CTNND2: variants seen among roughly 807,000 people sequenced by gnomAD.
CTNND2 encodes catenin delta-2.
CTNND2 carries 22 observed loss-of-function variants against 144.4 expected under a neutral mutation model. That is an observed-to-expected ratio of 0.15 (90% CI 0.11 to 0.22). The LOEUF is 0.22. Among genes scored for constraint, CTNND2 ranks in the 10% least tolerant of loss-of-function variants. CTNND2 has a pLI of 1.00. For missense variants in CTNND2, 1,353 were observed against 1,618.8 expected, an observed-to-expected ratio of 0.84 and a Z score of 2.82; for synonymous variants, 751 against 695.6, an observed-to-expected ratio of 1.08 and a Z score of -1.25.
In CTNND2 at chr5:11,219,152, C is replaced by T. The variant is rs957411522; in HGVS notation, c.1761+17539G>A. On this transcript the variant is annotated intron_variant, in intron 10 of 21. Transcript: ENST00000304623. The stretch of plus-strand genomic sequence containing the variant: ...CATAAAAGTAGCCTCAGCATGTGGT[C>T]CCAGATCTCTCGCTAGAAGTGGTGG... Among the ~76,000 whole-genome samples, 17 of 152,280 alleles carry T rather than the reference C, an allele frequency of 1.1e-4. No individual in the cohort carries two copies. The South Asian group carries it at 1.2e-3, about 11-fold the overall frequency.
intron 1 of CTNND2, among the ~76,000 whole-genome samples, chr5:11,851,093 C>T (rs367785642): frequency 3.3e-5 from 5 of 152,256 alleles, no homozygotes; most frequent in Admixed American, 2.0e-4. Context: ...ACCCTGTTTG[C>T]GTTCCCGGCC....
intron 1 of CTNND2, among the ~76,000 whole-genome samples, chr5:11,857,558 A>G: frequency 6.6e-6 from 1 of 152,176 alleles, no homozygotes; most frequent in East Asian, 1.9e-4. Flanking sequence ...AAATCTTGTC[A>G]TTTGGAGCCA....
At chr5:11,832,133 A>C (rs946911557) in intron 1 of CTNND2, among the ~76,000 whole-genome samples, 1 of 151,856 alleles carries the variant, frequency 6.6e-6, no homozygotes, top group African/African-American at 2.4e-5. Flanking sequence ...AAATACAAAA[A>C]ATTAGCCGGG....
chr5:11,605,305 G>A (rs1290520803), intron 2 of CTNND2, among the ~76,000 whole-genome samples: 1 of 152,170 alleles, frequency 6.6e-6, no homozygotes, highest in Non-Finnish European at 1.5e-5. Context: ...ATGTCAATGT[G>A]CTGAACATCT....
At chr5:11,098,471 G>T (rs1012757318) in intron 15 of CTNND2, 104 bp downstream of exon 15, 26 of 1,032,952 alleles carry the variant, frequency 2.5e-5, no homozygotes. Context: ...TAACATCCTA[G>T]AAATCTTTAT....
intron 2 of CTNND2, among the ~76,000 whole-genome samples, chr5:11,643,781 CTAATG>C (rs1487398994): frequency 8.6e-5 from 13 of 151,946 alleles, no homozygotes; most frequent in Non-Finnish European, 1.5e-4. Flanking sequence ...AAAAAATGCA[CTAATG>C]TAATTAAAAA....
chr5:11,436,542 T>C (rs573005206), intron 3 of CTNND2, among the ~76,000 whole-genome samples: 13 of 152,356 alleles, frequency 8.5e-5, no homozygotes, highest in East Asian at 3.9e-4. Context: ...TTTTTCTTTA[T>C]CGAGAATTCC....
At chr5:11,892,834 G>A (rs1365593423) in intron 1 of CTNND2, among the ~76,000 whole-genome samples, 4 of 152,200 alleles carry the variant, frequency 2.6e-5, no homozygotes, top group African/African-American at 7.2e-5. Flanking sequence ...CAGTGAACAC[G>A]ACGAAATCTA....
At chr5:11,430,882 CTCT>C (rs1763234337) in intron 3 of CTNND2, among the ~76,000 whole-genome samples, 1 of 152,148 alleles carries the variant, frequency 6.6e-6, no homozygotes, top group Non-Finnish European at 1.5e-5. Context: ...TACCTTATAT[CTCT>C]TTTTTGTTTT....
At position 11,263,189 on chromosome 5, in the gene CTNND2, C is replaced by G. The variant is rs942204628; in HGVS notation, c.1629-26366G>C. ...TTTTCTTTTTCCATTGACCCAGCAT[C>G]GATATCTCAACCTGCTTGACTTTAT... On this transcript the variant is annotated intron_variant, in intron 9 of 21. Coordinates refer to ENST00000304623, the MANE Select transcript of CTNND2 (RefSeq NM_001332.4). Among the ~76,000 whole-genome samples, 16 of 152,272 alleles carry G rather than the reference C, an allele frequency of 1.1e-4. 1 individual carries two copies. The highest frequency in any genetic ancestry group is 5.9e-4 in the Admixed American group (9 of 15,296).
intron 3 of CTNND2, among the ~76,000 whole-genome samples, chr5:11,535,625 A>G (rs184733346): frequency 6.6e-6 from 1 of 152,350 alleles, no homozygotes; most frequent in African/African-American, 2.4e-5. Context: ...ATCTGCAATC[A>G]CACAGAATAT....
At chr5:11,024,601 T>A (rs1361705498) in intron 16 of CTNND2, among the ~76,000 whole-genome samples, 3 of 152,112 alleles carry the variant, frequency 2.0e-5, no homozygotes, top group African/African-American at 7.2e-5. Flanking sequence ...AAGGGCAAAA[T>A]AACTGAAAAA....
chr5:10,995,044 T>G (rs779714346), intron 18 of CTNND2, among the ~76,000 whole-genome samples: 3 of 152,138 alleles, frequency 2.0e-5, no homozygotes, highest in Admixed American at 6.5e-5. Flanking sequence ...GAACTAGGAC[T>G]GCCTCATGGG....
chr5:11,484,528 T>C (rs1768614685), intron 3 of CTNND2, among the ~76,000 whole-genome samples: 1 of 152,224 alleles, frequency 6.6e-6, no homozygotes, highest in African/African-American at 2.4e-5. Context: ...GAGAAGTGTT[T>C]ATATTTATGC....
chr5:11,429,553 G>C (rs1320702375), intron 3 of CTNND2, among the ~76,000 whole-genome samples: 1 of 152,172 alleles, frequency 6.6e-6, no homozygotes, highest in East Asian at 1.9e-4. Context: ...AATCTGGCTA[G>C]AGAGGAACTG....
intron 9 of CTNND2, among the ~76,000 whole-genome samples, chr5:11,278,435 G>A (rs903379947): frequency 2.0e-5 from 3 of 152,164 alleles, no homozygotes; most frequent in African/African-American, 4.8e-5. Flanking sequence ...TGCATGCCAC[G>A]GAGGAGGAAA....
At chr5:11,742,389 A>AC (rs1389879336) in intron 1 of CTNND2, among the ~76,000 whole-genome samples, 1 of 152,014 alleles carries the variant, frequency 6.6e-6, no homozygotes, top group Non-Finnish European at 1.5e-5. Context: ...GATGTTAACT[A>AC]CCTTGACTTC....
chr5:11,836,957 T>A (rs1050224915), intron 1 of CTNND2, among the ~76,000 whole-genome samples: 3 of 152,126 alleles, frequency 2.0e-5, no homozygotes, highest in African/African-American at 7.2e-5. Flanking sequence ...GGAAAGGTGG[T>A]CAGCAGCAGT....
chr5:11,748,049 T>C (rs1056209278), intron 1 of CTNND2, among the ~76,000 whole-genome samples: 6 of 152,160 alleles, frequency 3.9e-5, no homozygotes, highest in African/African-American at 1.4e-4. Flanking sequence ...ACTCAGCCCA[T>C]ATGTTTAACC....
Sources: allele counts gnomAD v4.1 joint callset (sites outside exome capture counted in the v4.1 genomes callset), GRCh38; gene constraint gnomAD v4.1.1; transcripts MANE v1.5; gene names NCBI Gene and HGNC (gene_info 2026-07-23, HGNC 2026-07-21).